WWOX: variants seen among roughly 807,000 people sequenced by gnomAD.
WWOX encodes the protein WW domain-containing oxidoreductase.
In WWOX, 69 loss-of-function variants were observed where a neutral mutation model predicts 46.2. The observed-to-expected ratio is 1.49, with a 90% CI of 1.23 to 1.82. The LOEUF is 1.82. WWOX is among the 40% of genes most tolerant of loss of function. The pLI, the probability that WWOX is intolerant of heterozygous loss-of-function variation, is 0.00. For synonymous variants in WWOX, 359 were observed against 202.6 expected, an observed-to-expected ratio of 1.77 and a Z score of -6.56; for missense variants, 919 against 542.6, an observed-to-expected ratio of 1.69 and a Z score of -6.89.
At chr16:79,093,722 A>G (rs1038422284) in intron 8 of WWOX, among the ~76,000 whole-genome samples, 6 of 152,218 alleles carry the variant, frequency 3.9e-5, no homozygotes, top group African/African-American at 1.4e-4. Context: ...ATGAACATCA[A>G]AAGGATAATC....
intron 5 of WWOX, among the ~76,000 whole-genome samples, chr16:78,298,213 T>C (rs1597454673): frequency 6.6e-6 from 1 of 152,142 alleles, no homozygotes; most frequent in Non-Finnish European, 1.5e-5. Context: ...GGGTATTTCT[T>C]CTTAGCAGCA....
chr16:78,630,277 C>T (rs1461875722), intron 8 of WWOX, among the ~76,000 whole-genome samples: 3 of 152,142 alleles, frequency 2.0e-5, no homozygotes, highest in Middle Eastern at 3.2e-3. Flanking sequence ...GTACAGCAGA[C>T]TGTCGCAAGC....
At chr16:78,352,012 G>A (rs778246798) in intron 5 of WWOX, among the ~76,000 whole-genome samples, 4 of 152,138 alleles carry the variant, frequency 2.6e-5, no homozygotes, top group Non-Finnish European at 5.9e-5. Context: ...AATGTTTGGT[G>A]GGAGCAGTTG....
chr16:79,116,762 C>T (rs910500894), intron 8 of WWOX, among the ~76,000 whole-genome samples: 2 of 151,790 alleles, frequency 1.3e-5, no homozygotes, highest in African/African-American at 4.8e-5. Flanking sequence ...TGATCCTTTG[C>T]CATGAATCAC....
intron 8 of WWOX, among the ~76,000 whole-genome samples, chr16:78,945,878 G>T (rs913956709): frequency 6.6e-6 from 1 of 152,032 alleles, no homozygotes; most frequent in Non-Finnish European, 1.5e-5. Context: ...GCCAGTCCTG[G>T]CTCTTCCTTT....
At chr16:78,515,455 C>T (rs2085465397) in intron 8 of WWOX, among the ~76,000 whole-genome samples, 1 of 152,124 alleles carries the variant, frequency 6.6e-6, no homozygotes, top group Non-Finnish European at 1.5e-5. Context: ...GACACCAGCT[C>T]TTTTTATTTA....
chr16:78,995,622 A>C (rs2046974788), intron 8 of WWOX, among the ~76,000 whole-genome samples: 1 of 152,166 alleles, frequency 6.6e-6, no homozygotes, highest in Non-Finnish European at 1.5e-5. Flanking sequence ...AAAACCGCAA[A>C]CTGGCTTGTT....
At position 78,864,754 on chromosome 16, in the gene WWOX, C is replaced by CTTTTTTTT. The variant is rs57606576; in HGVS notation, c.1057-346833_1057-346826dup. ...CTGTGTGGCTATTTTTCTCCAACTC[C>CTTTTTTTT]TTTTTTTTTTTTTTTTTTTTTTTTT... On this transcript the variant is annotated intron_variant, in intron 8 of 8. Coordinates refer to ENST00000566780, the MANE Select transcript of WWOX (RefSeq NM_016373.4). 3.4e-5 allele frequency among the ~76,000 whole-genome samples: 3 copies of CTTTTTTTT among 87,160 alleles called. 1 individual carries two copies. The highest frequency in any genetic ancestry group is 1.4e-4 in the African/African-American group (3 of 21,026). 57.2% of individuals were successfully genotyped at this position (87,160 alleles called of 152,430 possible).
chr16:79,113,277 G>A (rs954503221), intron 8 of WWOX, among the ~76,000 whole-genome samples: 1 of 152,184 alleles, frequency 6.6e-6, no homozygotes, highest in Non-Finnish European at 1.5e-5. Context: ...AGGTACTGCT[G>A]TGGATGACGG....
intron 8 of WWOX, among the ~76,000 whole-genome samples, chr16:78,957,227 C>G (rs1433638288): frequency 6.6e-6 from 1 of 152,214 alleles, no homozygotes; most frequent in Non-Finnish European, 1.5e-5. Context: ...GCAAACCACA[C>G]CGCCGTCCTT....
chr16:78,949,587 C>G (rs2046017479), intron 8 of WWOX, among the ~76,000 whole-genome samples: 1 of 152,206 alleles, frequency 6.6e-6, no homozygotes, highest in African/African-American at 2.4e-5. Context: ...TCATGCTGTA[C>G]TACTTTTAAT....
At chr16:78,175,329 A>T (rs759855898) in intron 5 of WWOX, among the ~76,000 whole-genome samples, 99 of 152,278 alleles carry the variant, frequency 6.5e-4, no homozygotes, top group Non-Finnish European at 1.1e-3. Context: ...AGTGGCTGCG[A>T]TTGTTTTAAA....
chr16:78,309,551 C>T (rs1009353053), intron 5 of WWOX, among the ~76,000 whole-genome samples: 1 of 152,092 alleles, frequency 6.6e-6, no homozygotes, highest in Non-Finnish European at 1.5e-5. Flanking sequence ...TAGAAGTGTG[C>T]CTGTAACTTT....
chr16:78,468,260 C>T (rs1207339479), intron 8 of WWOX, among the ~76,000 whole-genome samples: 1 of 146,976 alleles, frequency 6.8e-6, no homozygotes, highest in Admixed American at 6.7e-5. Flanking sequence ...TCTAGGCTGC[C>T]TTTCTTTTTT....
rs142078268 is a variant in WWOX, at chr16:78,632,938, C to G, written c.1056+200186C>G. 5.8e-3 allele frequency among the ~76,000 whole-genome samples: 877 copies of G among 152,020 alleles called. 3 individuals carry two copies. Among genetic ancestry groups the G allele is most frequent in the Middle Eastern group, 0.01 (3 of 294 alleles). On this transcript the variant is annotated intron_variant, in intron 8 of 8. Transcript: ENST00000566780. Reference sequence around the variant, plus strand: ...AGGTAGGGCCATGTTGGAGAGGGATCCAACATTTATTATCCCCATTTTACA... The same window carrying G: ...AGGTAGGGCCATGTTGGAGAGGGATGCAACATTTATTATCCCCATTTTACA...
chr16:78,515,272 A>G (rs1319447150), intron 8 of WWOX, among the ~76,000 whole-genome samples: 2 of 152,098 alleles, frequency 1.3e-5, no homozygotes, highest in Non-Finnish European at 2.9e-5. Flanking sequence ...ATAGCTGACT[A>G]TTTTCTGAAA....
chr16:79,066,290 C>T (rs1166673247), intron 8 of WWOX, among the ~76,000 whole-genome samples: 1 of 152,202 alleles, frequency 6.6e-6, no homozygotes, highest in Admixed American at 6.5e-5. Context: ...CCTGCTTCCT[C>T]CCGCACACTG....
intron 7 of WWOX, among the ~76,000 whole-genome samples, chr16:78,431,840 C>T (rs146466945): frequency 1.3e-5 from 2 of 152,150 alleles, no homozygotes; most frequent in African/African-American, 2.4e-5. Context: ...CCTCAGCCCC[C>T]CAAGTAGCTG....
chr16:79,135,892 A>G (rs2049972860), intron 8 of WWOX, among the ~76,000 whole-genome samples: 1 of 152,142 alleles, frequency 6.6e-6, no homozygotes, highest in South Asian at 2.1e-4. Context: ...TTCTCGGTCC[A>G]GCTTTCTATA....
Sources: gnomAD v4.1 joint callset for allele counts (sites outside exome capture counted in the v4.1 genomes callset) on GRCh38, gnomAD v4.1.1 for gene constraint, MANE v1.5 for transcripts, NCBI Gene and HGNC (gene_info 2026-07-23, HGNC 2026-07-21) for gene names.